FIGN: variants seen among roughly 807,000 people sequenced by gnomAD.
The protein encoded by FIGN is fidgetin, microtubule severing factor.
In FIGN, 11 loss-of-function variants were observed where a neutral mutation model predicts 51.3. The observed-to-expected ratio is 0.21, with a 90% CI of 0.13 to 0.35. The LOEUF is 0.35. Among genes scored for constraint, FIGN ranks in the 10% least tolerant of loss-of-function variants. The pLI, the probability that FIGN is intolerant of heterozygous loss-of-function variation, is 1.00. For missense variants in FIGN, 857 were observed against 943.6 expected (o/e 0.91, Z 1.20); for synonymous variants, 407 against 363.2 (o/e 1.12, Z -1.37).
chr2:163,630,244 G>T (rs1261072447), intron 2 of FIGN, among the ~76,000 whole-genome samples: 1 of 151,914 alleles, frequency 6.6e-6, no homozygotes, highest in Non-Finnish European at 1.5e-5. Context: ...AGGATTTCAG[G>T]CATGAGCCAC....
intron 2 of FIGN, chr2:163,612,244 T>C (rs893410215): frequency 2.3e-6 from 2 of 863,016 alleles, no homozygotes; most frequent in Non-Finnish European, 2.8e-6. Context: ...AATATCTAGC[T>C]ATTCTGTCTG....
chr2:163,651,890 A>G (rs941264725), intron 2 of FIGN, among the ~76,000 whole-genome samples: 17 of 152,224 alleles, frequency 1.1e-4, no homozygotes, highest in African/African-American at 3.6e-4. Context: ...CTAAATGCCA[A>G]TTTTAAAGGA....
intron 2 of FIGN, among the ~76,000 whole-genome samples, chr2:163,630,986 G>A (rs915609741): frequency 1.3e-5 from 2 of 152,176 alleles, no homozygotes; most frequent in African/African-American, 4.8e-5. Flanking sequence ...ATGATTAAGT[G>A]ACTGAGAATT....
chr2:163,727,278 C>T lies in FIGN; in HGVS notation c.25+7625G>A, dbSNP rs138091667. 1.2e-4 allele frequency among the ~76,000 whole-genome samples: 18 copies of T among 151,794 alleles called. No individual in the cohort carries two copies. In the South Asian group the frequency reaches 2.7e-3, roughly 23 times the overall value. On this transcript the variant is annotated intron_variant, in intron 2 of 2. Coordinates refer to ENST00000333129, the MANE Select transcript of FIGN (RefSeq NM_018086.4). The stretch of plus-strand genomic sequence containing the variant: ...AGTAAAGCAGGAAAAGATGAGTCCC[C>T]GTTGAAATTATACTACAGAATATGG...
intron 2 of FIGN, among the ~76,000 whole-genome samples, chr2:163,687,272 G>C (rs1389224694): frequency 6.6e-6 from 1 of 152,120 alleles, no homozygotes; most frequent in African/African-American, 2.4e-5. Context: ...CTTTTTAAAT[G>C]GGTACTAGCA....
At chr2:163,640,616 T>C (rs1266710046) in intron 2 of FIGN, among the ~76,000 whole-genome samples, 1 of 152,170 alleles carries the variant, frequency 6.6e-6, no homozygotes, top group Non-Finnish European at 1.5e-5. Context: ...ATGAAGAATA[T>C]CACCCTTTGG....
At chr2:163,642,455 A>T (rs1042047558) in intron 2 of FIGN, among the ~76,000 whole-genome samples, 2 of 152,244 alleles carry the variant, frequency 1.3e-5, no homozygotes, top group African/African-American at 4.8e-5. Flanking sequence ...GCTTACCCTT[A>T]GGTTTTCTTT....
chr2:163,703,698 A>G (rs894398169), intron 2 of FIGN, among the ~76,000 whole-genome samples: 2 of 152,116 alleles, frequency 1.3e-5, no homozygotes. Flanking sequence ...CTTGAGCTCA[A>G]ATGACCCTCA....
chr2:163,623,278 T>C (rs1683001955), intron 2 of FIGN, among the ~76,000 whole-genome samples: 1 of 152,200 alleles, frequency 6.6e-6, no homozygotes, highest in African/African-American at 2.4e-5. Context: ...CTTATGCACA[T>C]ATTTTTATCA....
At chr2:163,684,475 C>T (rs1684114299) in intron 2 of FIGN, among the ~76,000 whole-genome samples, 1 of 152,108 alleles carries the variant, frequency 6.6e-6, no homozygotes. Context: ...GAAATGGAGA[C>T]CCAGAAGTCA....
At chr2:163,630,434 A>G (rs1395756987) in intron 2 of FIGN, among the ~76,000 whole-genome samples, 1 of 152,024 alleles carries the variant, frequency 6.6e-6, no homozygotes, top group Non-Finnish European at 1.5e-5. Context: ...GTCCTATTCC[A>G]TATGTATTGA....
intron 2 of FIGN, among the ~76,000 whole-genome samples, chr2:163,655,433 G>A (rs1340031589): frequency 1.3e-5 from 2 of 151,372 alleles, no homozygotes; most frequent in Non-Finnish European, 2.9e-5. Context: ...GCCCATGACA[G>A]GTTTTCAATT....
chr2:163,682,630 G>A (rs139988460), intron 2 of FIGN, among the ~76,000 whole-genome samples: 1 of 152,326 alleles, frequency 6.6e-6, no homozygotes, highest in East Asian at 1.9e-4. Flanking sequence ...GATGAGACCT[G>A]CATTGAATGA....
Position 163,624,708 on chromosome 2 carries a change from A to T in FIGN, c.26-12902T>A, listed in dbSNP as rs543593473. On this transcript the variant is annotated intron_variant, in intron 2 of 2. Coordinates refer to ENST00000333129, the MANE Select transcript of FIGN (RefSeq NM_018086.4). ...TATACATACATATATATATATATAT[A>T]TTTTTTTTTTTCCTAGACAAGCTGT... Among the ~76,000 whole-genome samples the T allele has an allele frequency of 4.3e-3, 632 of 145,476 alleles. 6 individuals are homozygous for T. The highest frequency in any genetic ancestry group is 8.0e-3 in the African/African-American group (314 of 39,398).
rs1691257330 is a variant in FIGN at position 163,611,441 on chromosome 2, T to G, written c.391A>C (p.Ser131Arg). Residue 131 changes from serine to arginine, a missense_variant, in exon 3 of 3, where the codon AGC becomes CGC. This residue lies in a region of FIGN where 799 missense variants were observed against 849.5 expected (regional missense o/e 0.94). Transcript: ENST00000333129. ...AGGGCTGAACTGACTCCAGCTTTGCTGGCAGTGATAACATCCGGAACACAG... is the reference window on the plus strand; with the variant it reads ...AGGGCTGAACTGACTCCAGCTTTGCGGGCAGTGATAACATCCGGAACACAG... The part of the protein sequence containing the change: ...MNCVPDVITA[S>R]KAGVSSALPP... The G allele has an allele frequency of 1.2e-6, 2 of 1,614,188 alleles. No homozygotes were observed. The highest frequency in any genetic ancestry group is 1.7e-6 in the Non-Finnish European group (2 of 1,180,016).
intron 2 of FIGN, among the ~76,000 whole-genome samples, chr2:163,632,510 T>C (rs1315739981): frequency 6.6e-6 from 1 of 152,236 alleles, no homozygotes; most frequent in Non-Finnish European, 1.5e-5. Context: ...TACATTGAGG[T>C]CACTTTCCAA....
At chr2:163,726,060 A>G (rs1684833916) in intron 2 of FIGN, among the ~76,000 whole-genome samples, 1 of 152,102 alleles carries the variant, frequency 6.6e-6, no homozygotes, top group Non-Finnish European at 1.5e-5. Flanking sequence ...CCAATTAGGT[A>G]ACACTTATTG....
At chr2:163,653,408 C>T (rs1683508775) in intron 2 of FIGN, among the ~76,000 whole-genome samples, 1 of 151,812 alleles carries the variant, frequency 6.6e-6, no homozygotes, top group Non-Finnish European at 1.5e-5. Flanking sequence ...ACGAAAAGAC[C>T]TTAAAAATGG....
chr2:163,726,694 C>T (rs901696426), intron 2 of FIGN, among the ~76,000 whole-genome samples: 3 of 152,014 alleles, frequency 2.0e-5, no homozygotes, highest in Non-Finnish European at 4.4e-5. Flanking sequence ...TATGCACATG[C>T]ACAAGAACAT....
Sources: gnomAD v4.1 joint callset for allele counts (sites outside exome capture counted in the v4.1 genomes callset) on GRCh38, gnomAD v4.1.1 for gene constraint, gnomAD v4.1.1 regional missense constraint, MANE v1.5 for transcripts, NCBI Gene and HGNC (gene_info 2026-07-23, HGNC 2026-07-21) for gene names.